Variants in TENM2 observed in about 807,000 individuals in gnomAD.
TENM2 encodes the protein teneurin transmembrane protein 2.
A neutral mutation model predicts 245.2 loss-of-function variants in TENM2; 52 were observed. The observed-to-expected ratio is 0.21, with a 90% CI of 0.17 to 0.27. The LOEUF (loss-of-function observed/expected upper bound fraction) is 0.27, where lower values mean the gene tolerates loss of function less well. TENM2 is among the 10% of genes least tolerant of loss of function. The probability of loss-of-function intolerance (pLI) is 1.00; values close to 1 mark genes in which losing one functional copy is unlikely to be tolerated. For missense variants in TENM2, 3,046 were observed against 3,666.8 expected (o/e 0.83, Z 4.37); for synonymous variants, 1,363 against 1,438.9 (o/e 0.95, Z 1.19).
chr5:167,921,654 G>A lies in TENM2; in HGVS notation c.713-30934G>A, dbSNP rs191968882. Reference sequence around the variant, plus strand: ...ATGAGAAAAACAAACTATGATAGACGGGAAGCCAGACAGGAAGAGAGAAGT... The same window carrying A: ...ATGAGAAAAACAAACTATGATAGACAGGAAGCCAGACAGGAAGAGAGAAGT... On this transcript the variant is annotated intron_variant, in intron 3 of 28. Coordinates refer to ENST00000518659, the Ensembl canonical transcript of TENM2. Among the ~76,000 whole-genome samples, 249 of 152,220 alleles carry A rather than the reference G, an allele frequency of 1.6e-3. 1 individual carries two copies. The highest frequency in any genetic ancestry group is 5.7e-3 in the African/African-American group (235 of 41,518).
intron 2 of TENM2, among the ~76,000 whole-genome samples, chr5:167,736,137 G>A (rs756724668): frequency 1.5e-4 from 23 of 152,056 alleles, no homozygotes; most frequent in Non-Finnish European, 2.6e-4. Flanking sequence ...AAGCAAACAC[G>A]TCCTTCCTTC....
intron 6 of TENM2, among the ~76,000 whole-genome samples, chr5:168,048,885 T>A (rs1473421836): frequency 6.6e-6 from 1 of 152,238 alleles, no homozygotes; most frequent in Non-Finnish European, 1.5e-5. Context: ...AGGATGAAAT[T>A]ATATGCTTTC....
At chr5:168,174,560 G>A (rs532518312) in intron 13 of TENM2, among the ~76,000 whole-genome samples, 103 of 152,196 alleles carry the variant, frequency 6.8e-4, no homozygotes, top group Non-Finnish European at 1.3e-3. Flanking sequence ...GGTCTGGCAG[G>A]AAGCCCAAGA....
intron 3 of TENM2, among the ~76,000 whole-genome samples, chr5:167,900,823 AT>A (rs1775637721): frequency 7.8e-6 from 1 of 128,854 alleles, no homozygotes. Flanking sequence ...GACTGGAGTG[AT>A]TGGGGTGGGG....
rs148583561 is a variant in TENM2, at chr5:167,637,149, A to G, written c.503-238837A>G. 1.6e-3 allele frequency among the ~76,000 whole-genome samples: 250 copies of G among 152,344 alleles called. 2 individuals carry two copies. Among genetic ancestry groups the G allele is most frequent in the African/African-American group, 5.3e-3 (219 of 41,582 alleles). On this transcript the variant is annotated intron_variant, in intron 2 of 28. Transcript: ENST00000518659. ...TAATATGCAAAGAACTTAGAACAGC[A>G]CTTGACACTAAGAACGATGTGTTTG...
chr5:167,573,324 G>T (rs950600715), intron 2 of TENM2, among the ~76,000 whole-genome samples: 1 of 152,098 alleles, frequency 6.6e-6, no homozygotes, highest in Non-Finnish European at 1.5e-5. Context: ...CAAACCCAGA[G>T]ACACACTGCG....
the TENM2 span, among the ~76,000 whole-genome samples, chr5:167,153,077 C>T: frequency 6.7e-6 from 1 of 150,004 alleles, no homozygotes; most frequent in Non-Finnish European, 1.5e-5. Flanking sequence ...CCTGAACTGG[C>T]CATCACAATC....
chr5:166,988,423 T>G, the TENM2 span, among the ~76,000 whole-genome samples: 2 of 152,234 alleles, frequency 1.3e-5, no homozygotes, highest in South Asian at 4.1e-4. Flanking sequence ...CCAGTCCTTC[T>G]GAATGCAGTC....
chr5:167,427,793 G>A, intron 2 of TENM2, among the ~76,000 whole-genome samples: 1 of 107,192 alleles, frequency 9.3e-6, no homozygotes, highest in African/African-American at 3.9e-5. Flanking sequence ...GGAAGGAAGG[G>A]AAGGAAGGAA....
At chr5:168,034,007 A>G (rs1787376892) in intron 5 of TENM2, among the ~76,000 whole-genome samples, 1 of 150,936 alleles carries the variant, frequency 6.6e-6, no homozygotes, top group African/African-American at 2.4e-5. Context: ...AGCCTGAGCA[A>G]CAGAGCGAGA....
chr5:167,958,057 A>T (rs1780699009), intron 4 of TENM2, among the ~76,000 whole-genome samples: 1 of 152,156 alleles, frequency 6.6e-6, no homozygotes, highest in African/African-American at 2.4e-5. Flanking sequence ...TGATCTGTCT[A>T]ATATTGACAG....
At chr5:167,511,627 A>G (rs1769962092) in intron 2 of TENM2, among the ~76,000 whole-genome samples, 1 of 152,242 alleles carries the variant, frequency 6.6e-6, no homozygotes, top group Non-Finnish European at 1.5e-5. Context: ...AATGAGATAA[A>G]TGGACAAGAA....
At chr5:168,135,375 T>C (rs141202131) in intron 12 of TENM2, among the ~76,000 whole-genome samples, 6 of 152,356 alleles carry the variant, frequency 3.9e-5, no homozygotes, top group Admixed American at 2.6e-4. Flanking sequence ...AACCCTCTTT[T>C]TTCATAGCAT....
rs1761966673 is a variant in TENM2, at chr5:167,394,888, G to A, written c.502+19415G>A. Reference sequence around the variant, plus strand: ...CTGGGATTACAAGTGTGAGCCATCAGGCCAGGCTGTAATGTATTTTAAAAT... The same window carrying A: ...CTGGGATTACAAGTGTGAGCCATCAAGCCAGGCTGTAATGTATTTTAAAAT... On this transcript the variant is annotated intron_variant, in intron 2 of 28. Transcript: ENST00000518659. Among the ~76,000 whole-genome samples the A allele has an allele frequency of 2.6e-5, 4 of 152,212 alleles. No homozygotes were observed. The South Asian group carries it at 8.3e-4, about 32-fold the overall frequency.
chr5:167,458,319 TC>T (rs1410620919), intron 2 of TENM2, among the ~76,000 whole-genome samples: 1 of 145,072 alleles, frequency 6.9e-6, no homozygotes, highest in East Asian at 1.9e-4. Context: ...AAACCCTGTC[TC>T]TACTAAAAAT....
intron 2 of TENM2, among the ~76,000 whole-genome samples, chr5:167,383,038 A>G (rs1486912506): frequency 6.6e-6 from 1 of 152,122 alleles, no homozygotes; most frequent in Non-Finnish European, 1.5e-5. Context: ...TATTTCTGAA[A>G]AGATTTCAAG....
chr5:167,725,266 T>A (rs772344775), intron 2 of TENM2, among the ~76,000 whole-genome samples: 1 of 152,180 alleles, frequency 6.6e-6, no homozygotes, highest in African/African-American at 2.4e-5. Context: ...ACTTTTTTTT[T>A]AAAGATGCTT....
At chr5:168,072,834 C>A (rs1167573152) in intron 7 of TENM2, among the ~76,000 whole-genome samples, 1 of 152,168 alleles carries the variant, frequency 6.6e-6, no homozygotes, top group African/African-American at 2.4e-5. Context: ...AGCGCACTCT[C>A]AGGTAGCCTA....
At chr5:167,344,105 C>T (rs1326121181) in intron 1 of TENM2, among the ~76,000 whole-genome samples, 2 of 149,640 alleles carry the variant, frequency 1.3e-5, no homozygotes, top group African/African-American at 4.9e-5. Context: ...TTTAACTGTT[C>T]AAGAACTTAT....
Sources: gnomAD v4.1 joint callset for allele counts (sites outside exome capture counted in the v4.1 genomes callset) on GRCh38, gnomAD v4.1.1 for gene constraint, MANE v1.5 for transcripts, NCBI Gene and HGNC (gene_info 2026-07-23, HGNC 2026-07-21) for gene names.